LRBA: variants seen among roughly 807,000 people sequenced by gnomAD.
LRBA encodes the protein LPS responsive beige-like anchor protein.
In LRBA, 176 loss-of-function variants were observed where a neutral mutation model predicts 330.0. That is an observed-to-expected ratio of 0.53 (90% CI 0.47 to 0.60). LRBA has a LOEUF of 0.60. LRBA is among the 20% of genes least tolerant of loss of function. LRBA has a pLI of 0.00. For synonymous variants in LRBA, 1,230 were observed against 1,193.0 expected (o/e 1.03, Z -0.64); for missense variants, 3,259 against 3,444.8 (o/e 0.95, Z 1.35).
intron 29 of LRBA, 147 bp downstream of exon 29, chr4:150,831,670 A>G: frequency 3.9e-6 from 2 of 509,710 alleles, no homozygotes; most frequent in Non-Finnish European, 6.3e-6. Context: ...TTAAGCCACA[A>G]CTTTTAGTTA....
intron 37 of LRBA, among the ~76,000 whole-genome samples, chr4:150,635,000 A>G (rs527817321): frequency 1.3e-5 from 2 of 152,322 alleles, no homozygotes; most frequent in Admixed American, 6.5e-5. Context: ...AATCTGCCTA[A>G]GCGGGGGATT....
chr4:150,780,989 C>G (rs1487673948), intron 34 of LRBA, among the ~76,000 whole-genome samples: 1 of 152,114 alleles, frequency 6.6e-6, no homozygotes, highest in Non-Finnish European at 1.5e-5. Context: ...ATGCCATTTT[C>G]CTGCCTCAGC....
At chr4:150,582,946 C>G (rs1771585203) in intron 40 of LRBA, 1 of 1,490,168 alleles carries the variant, frequency 6.7e-7, no homozygotes. Context: ...TTTCGAAAGC[C>G]GCTGGGCCAC....
At chr4:150,498,113 T>C (rs1248932631) in intron 40 of LRBA, among the ~76,000 whole-genome samples, 1 of 152,234 alleles carries the variant, frequency 6.6e-6, no homozygotes, top group Non-Finnish European at 1.5e-5. Flanking sequence ...AAGCACTGAC[T>C]GGCAAATTGA....
chr4:150,689,162 A>G (rs1415933096), intron 36 of LRBA, among the ~76,000 whole-genome samples: 1 of 152,192 alleles, frequency 6.6e-6, no homozygotes, highest in East Asian at 1.9e-4. Context: ...CTTTTCAGGG[A>G]CGTGGATGAA....
chr4:150,973,148 C>CTGTCTGTTTGTT (rs1554011518), intron 2 of LRBA, among the ~76,000 whole-genome samples: 1 of 149,464 alleles, frequency 6.7e-6, no homozygotes, highest in South Asian at 2.1e-4. Context: ...TTTTGTCTGT[C>CTGTCTGTTTGTT]TGTTTGTTTG....
intron 46 of LRBA, among the ~76,000 whole-genome samples, chr4:150,429,316 T>C (rs866919218): frequency 4.6e-5 from 7 of 151,790 alleles, no homozygotes; most frequent in Non-Finnish European, 1.0e-4. Flanking sequence ...AAAAGGAAAA[T>C]CAAAGGTGCT....
chr4:150,867,066 AG>A (rs1028202524), intron 22 of LRBA, among the ~76,000 whole-genome samples: 31 of 151,160 alleles, frequency 2.1e-4, no homozygotes, highest in African/African-American at 6.5e-4. Flanking sequence ...ATTTCAAAAA[AG>A]AATTTAAGCT....
At position 150,588,190 on chromosome 4, in the gene LRBA, A is replaced by G. The variant is rs1464421728; in HGVS notation, c.6194-6T>C. ...TGTGCTCAGGCTAACAGGACCTGCC[A>G]AAAGGAAAAGACAAGCCACACAAGT... On this transcript the variant is annotated splice_polypyrimidine_tract_variant and splice_region_variant and intron_variant, in intron 39 of 56. Coordinates refer to ENST00000651943, the MANE Select transcript of LRBA (RefSeq NM_001364905.1). 2 of 1,574,866 alleles carry G rather than the reference A, an allele frequency of 1.3e-6. No individual in the cohort carries two copies. Among genetic ancestry groups the G allele is most frequent in the African/African-American group, 2.8e-5 (2 of 72,672 alleles).
At chr4:150,822,343 T>C (rs989293051) in intron 30 of LRBA, among the ~76,000 whole-genome samples, 2 of 152,160 alleles carry the variant, frequency 1.3e-5, no homozygotes, top group African/African-American at 4.8e-5. Flanking sequence ...AAGAAATAAA[T>C]GCTAAAATAC....
intron 44 of LRBA, among the ~76,000 whole-genome samples, chr4:150,459,509 T>C (rs1754496956): frequency 6.6e-6 from 1 of 151,948 alleles, no homozygotes. Flanking sequence ...CAGAATTCTT[T>C]AACCTCACTA....
At chr4:150,370,086 A>C (rs948721894) in intron 47 of LRBA, among the ~76,000 whole-genome samples, 10 of 152,194 alleles carry the variant, frequency 6.6e-5, no homozygotes, top group African/African-American at 2.4e-4. Context: ...ACCAAAATAC[A>C]TTAAGAAATA....
intron 9 of LRBA, among the ~76,000 whole-genome samples, chr4:150,909,338 G>A (rs1731709977): frequency 6.6e-6 from 1 of 152,060 alleles, no homozygotes; most frequent in African/African-American, 2.4e-5. Context: ...CTATGAGTTG[G>A]ACTCTTAGAT....
At chr4:150,598,890 A>C in intron 38 of LRBA, 117 bp downstream of exon 38, 1 of 1,224,224 alleles carries the variant, frequency 8.2e-7, no homozygotes, top group Non-Finnish European at 1.1e-6. Context: ...TCTGGTATGA[A>C]CAACCATAAA....
intron 37 of LRBA, 70 bp from the exon 38 acceptor site, chr4:150,599,201 TAA>T (rs1207706708): frequency 6.5e-7 from 1 of 1,549,314 alleles, no homozygotes; most frequent in African/African-American, 1.4e-5. Context: ...AATTTCTGCA[TAA>T]AGCTCTCCTT....
intron 37 of LRBA, among the ~76,000 whole-genome samples, chr4:150,654,878 CT>C (rs966337930): frequency 6.6e-6 from 1 of 152,004 alleles, no homozygotes; most frequent in Non-Finnish European, 1.5e-5. Context: ...TTAACTCATC[CT>C]TTTTTATGGC....
intron 13 of LRBA, among the ~76,000 whole-genome samples, chr4:150,902,473 G>A (rs886145557): frequency 6.6e-6 from 1 of 152,090 alleles, no homozygotes; most frequent in South Asian, 2.1e-4. Flanking sequence ...AAATGGAAAT[G>A]CTACAGCTAT....
chr4:150,932,891 G>A (rs1409258727), intron 2 of LRBA, among the ~76,000 whole-genome samples: 1 of 151,918 alleles, frequency 6.6e-6, no homozygotes, highest in Non-Finnish European at 1.5e-5. Context: ...ACTCTAGACT[G>A]GGTGACAGAG....
At chr4:150,877,179 A>G (rs761223740) in intron 17 of LRBA, among the ~76,000 whole-genome samples, 139 of 151,754 alleles carry the variant, frequency 9.2e-4, no homozygotes, top group Non-Finnish European at 1.5e-3. Context: ...AATGGCATGA[A>G]CCTGGGAGGC....
Sources: allele counts gnomAD v4.1 joint callset (sites outside exome capture counted in the v4.1 genomes callset), GRCh38; gene constraint gnomAD v4.1.1; transcripts MANE v1.5; gene names NCBI Gene and HGNC (gene_info 2026-07-23, HGNC 2026-07-21).